The following ZNF804B variants were observed in gnomAD, a reference collection of about 807,000 sequenced individuals.
ZNF804B encodes zinc finger 804B.
In ZNF804B, 80 loss-of-function variants were observed where a neutral mutation model predicts 101.4. That is an observed-to-expected ratio of 0.79 (90% CI 0.66 to 0.95). The LOEUF is 0.95. Ranked by LOEUF, ZNF804B falls within the 40% of genes least tolerant of loss-of-function variation. The probability of loss-of-function intolerance (pLI) is 0.00; values close to 1 mark genes in which losing one functional copy is unlikely to be tolerated. For synonymous variants in ZNF804B, 622 were observed against 558.8 expected, an observed-to-expected ratio of 1.11 and a Z score of -1.59; for missense variants, 1,673 against 1,561.9, an observed-to-expected ratio of 1.07 and a Z score of -1.20.
chr7:89,191,271 A>T (rs904067552), intron 1 of ZNF804B, among the ~76,000 whole-genome samples: 1 of 152,186 alleles, frequency 6.6e-6, no homozygotes, highest in Non-Finnish European at 1.5e-5. Flanking sequence ...AAATTTTGAA[A>T]TTATAAAATA....
Position 89,335,199 on chromosome 7 carries a change from G to T in ZNF804B, c.2217G>T (p.Leu739Phe), listed in dbSNP as rs1490633236. The change falls in exon 4 of 4, where the codon TTG (leucine) becomes TTT (phenylalanine). Residue 739 changes from leucine to phenylalanine, a missense_variant. Leu to Phe is a conservative substitution (Grantham distance 22). Coordinates refer to ENST00000333190, the MANE Select transcript of ZNF804B (RefSeq NM_181646.5). Reference protein sequence around the residue: ...HRFNGNSRGNLLCFHKREHHS... With the variant: ...HRFNGNSRGNFLCFHKREHHS... ...TCAATGGTAATAGCAGAGGTAATTTGCTCTGCTTCCATAAAAGAGAACACC... is the reference window on the plus strand; with the variant it reads ...TCAATGGTAATAGCAGAGGTAATTTTCTCTGCTTCCATAAAAGAGAACACC... The T allele has an allele frequency of 8.7e-6, 14 of 1,613,820 alleles. No homozygotes were observed. The highest frequency in any genetic ancestry group is 2.2e-5 in the South Asian group (2 of 91,078).
intron 1 of ZNF804B, among the ~76,000 whole-genome samples, chr7:88,973,648 C>G (rs17394001): frequency 0.033 from 4,934 of 151,170 alleles, 141 homozygotes; most frequent in Non-Finnish European, 0.053. Context: ...TTTGTACACA[C>G]TTTTATGCTA....
intron 1 of ZNF804B, among the ~76,000 whole-genome samples, chr7:89,089,038 CT>C (rs1367435127): frequency 6.8e-6 from 1 of 147,908 alleles, no homozygotes; most frequent in Non-Finnish European, 1.5e-5. Flanking sequence ...TCACATAAGC[CT>C]TTTTTTCCTT....
rs186349736 is a variant in ZNF804B, at chr7:89,308,719, A to T, written c.250-18625A>T. 2.6e-5 allele frequency among the ~76,000 whole-genome samples: 4 copies of T among 152,286 alleles called. No individual in the cohort carries two copies. In the East Asian group the frequency reaches 7.7e-4, roughly 29 times the overall value. ...GTGTTTCTCTACCCATTGTTGGCAA[A>T]CATCTTGGAAAGGCTCAGATAGTAA... On this transcript the variant is annotated intron_variant, in intron 2 of 3. Transcript: ENST00000333190.
rs565971394 is a variant in ZNF804B, at chr7:89,016,961, C to T, written c.109-201194C>T. The stretch of plus-strand genomic sequence containing the variant: ...GTTTTCACGATATTGATTCTTCCTA[C>T]CCATGAGCATGGAATGTTCTTTCAT... On this transcript the variant is annotated intron_variant, in intron 1 of 3. Transcript: ENST00000333190. Among the ~76,000 whole-genome samples, 689 of 152,282 alleles carry T rather than the reference C, an allele frequency of 4.5e-3. 7 individuals are homozygous for T. Among genetic ancestry groups the T allele is most frequent in the African/African-American group, 0.016 (656 of 41,556 alleles).
intron 1 of ZNF804B, among the ~76,000 whole-genome samples, chr7:88,914,012 A>G (rs1174810722): frequency 2.0e-5 from 3 of 152,170 alleles, no homozygotes; most frequent in Non-Finnish European, 2.9e-5. Flanking sequence ...AAGCATTGAT[A>G]GTAGTTGAAG....
At position 89,162,357 on chromosome 7, in the gene ZNF804B, T is replaced by G. The variant is rs866505362; in HGVS notation, c.109-55798T>G. Among the ~76,000 whole-genome samples the G allele has an allele frequency of 4.9e-4, 74 of 152,242 alleles. 1 individual carries two copies. The highest frequency in any genetic ancestry group is 7.5e-4 in the Non-Finnish European group (51 of 68,006). ...ATGAAGATACCATCTAACTGTGTAG[T>G]TTTTCCAAATGCATTTTATCTGTCT... On this transcript the variant is annotated intron_variant, in intron 1 of 3. Transcript: ENST00000333190.
At chr7:89,015,843 T>C (rs2116203601) in intron 1 of ZNF804B, among the ~76,000 whole-genome samples, 1 of 152,306 alleles carries the variant, frequency 6.6e-6, no homozygotes, top group Admixed American at 6.5e-5. Flanking sequence ...GTCCTTTGGG[T>C]ATACACCCAG....
chr7:89,233,084 G>A (rs1373843419), intron 2 of ZNF804B, among the ~76,000 whole-genome samples: 4 of 151,448 alleles, frequency 2.6e-5, no homozygotes, highest in Non-Finnish European at 5.9e-5. Context: ...ACCACGCCTG[G>A]CTAATTTTTT....
chr7:89,329,973 G>A (rs2115988980), intron 3 of ZNF804B, among the ~76,000 whole-genome samples: 1 of 151,714 alleles, frequency 6.6e-6, no homozygotes, highest in African/African-American at 2.4e-5. Context: ...GAACAGGAGA[G>A]AATCAAAATG....
At chr7:89,156,887 T>C (rs1462280105) in intron 1 of ZNF804B, among the ~76,000 whole-genome samples, 2 of 152,188 alleles carry the variant, frequency 1.3e-5, no homozygotes, top group Non-Finnish European at 2.9e-5. Context: ...TTACTGAATA[T>C]TTAATTGCTG....
chr7:89,091,373 G>T (rs1305810724), intron 1 of ZNF804B, among the ~76,000 whole-genome samples: 2 of 152,092 alleles, frequency 1.3e-5, no homozygotes, highest in Non-Finnish European at 2.9e-5. Flanking sequence ...GTAGTAACAG[G>T]TGGCAAAAAG....
intron 1 of ZNF804B, among the ~76,000 whole-genome samples, chr7:88,766,293 C>G (rs191500610): frequency 6.6e-6 from 1 of 152,200 alleles, no homozygotes. Context: ...CCCCAGGCAA[C>G]AAAGGGAAAC....
intron 1 of ZNF804B, among the ~76,000 whole-genome samples, chr7:89,015,750 G>A (rs1480696956): frequency 6.6e-6 from 1 of 152,006 alleles, no homozygotes. Flanking sequence ...TGGACATTTG[G>A]GTTGGTTCCA....
chr7:89,192,593 A>G (rs1788473748), intron 1 of ZNF804B, among the ~76,000 whole-genome samples: 1 of 152,066 alleles, frequency 6.6e-6, no homozygotes, highest in Non-Finnish European at 1.5e-5. Flanking sequence ...TACCATTACC[A>G]TTTATACTGA....
At chr7:88,905,642 G>A (rs1792458773) in intron 1 of ZNF804B, among the ~76,000 whole-genome samples, 1 of 152,114 alleles carries the variant, frequency 6.6e-6, no homozygotes, top group African/African-American at 2.4e-5. Flanking sequence ...ACAGGCAGGA[G>A]CCACCACACC....
intron 2 of ZNF804B, among the ~76,000 whole-genome samples, chr7:89,221,686 C>G (rs1039631006): frequency 7.6e-6 from 1 of 131,906 alleles, no homozygotes; most frequent in African/African-American, 2.8e-5. Flanking sequence ...CAACCTTCCT[C>G]AATATTTCTA....
chr7:89,020,826 T>C (rs959215510), intron 1 of ZNF804B, among the ~76,000 whole-genome samples: 2 of 152,212 alleles, frequency 1.3e-5, no homozygotes, highest in Admixed American at 1.3e-4. Flanking sequence ...ATTTTTATGA[T>C]GTCTATTTCT....
intron 1 of ZNF804B, among the ~76,000 whole-genome samples, chr7:88,970,244 G>T (rs955273891): frequency 1.2e-4 from 18 of 151,480 alleles, no homozygotes; most frequent in African/African-American, 4.1e-4. Flanking sequence ...GGATGTGCAG[G>T]CTTGTTACAT....
Sources: allele counts gnomAD v4.1 joint callset (sites outside exome capture counted in the v4.1 genomes callset), GRCh38; gene constraint gnomAD v4.1.1; transcripts MANE v1.5; gene names NCBI Gene and HGNC (gene_info 2026-07-23, HGNC 2026-07-21).